USO1: variants seen among roughly 807,000 people sequenced by gnomAD.
USO1 encodes USO1 vesicle transport factor, also known as general vesicular transport factor p115.
Under a neutral mutation model 124.5 loss-of-function variants are expected in USO1, and 57 were observed. That is an observed-to-expected ratio of 0.46 (90% CI 0.37 to 0.57). The LOEUF (loss-of-function observed/expected upper bound fraction) is 0.57. Ranked by LOEUF, USO1 falls within the 20% of genes least tolerant of loss-of-function variation. USO1 has a pLI of 0.00. For missense variants in USO1, 900 were observed against 1,040.6 expected (o/e 0.86, Z 1.86); for synonymous variants, 369 against 362.8 (o/e 1.02, Z -0.19).
At chr4:75,748,379 G>C (rs529418092) in intron 1 of USO1, among the ~76,000 whole-genome samples, 1 of 150,844 alleles carries the variant, frequency 6.6e-6, no homozygotes, top group Non-Finnish European at 1.5e-5. Flanking sequence ...AGTAGGGACG[G>C]GGTTTTGCCA....
rs1720335046 is a variant in USO1, at chr4:75,724,693, G to T, written c.-127G>T. 1.1e-6 allele frequency: 1 copy of T among 932,444 alleles called. No individual in the cohort carries two copies. 57.8% of individuals were successfully genotyped at this position (932,444 alleles called of 1,614,324 possible). A position where few individuals can be genotyped will look rare whatever the true frequency, so the allele number is the denominator to read the frequency against. ...GAGGGCTGGAGTGGCCGCCGAGTTG[G>T]AGGCGGTGGTGGCAGCAGTAGGAGT... On this transcript the variant is annotated 5_prime_UTR_variant, in exon 1 of 24. Coordinates refer to ENST00000514213, the MANE Select transcript of USO1 (RefSeq NM_003715.4).
chr4:75,807,370 C>CT (rs879512005), intron 20 of USO1, among the ~76,000 whole-genome samples: 26 of 144,550 alleles, frequency 1.8e-4, no homozygotes, highest in Admixed American at 4.9e-4. Context: ...GAAATGCATA[C>CT]TTTTTTTTTT....
At chr4:75,750,436 T>TA (rs1399409460) in intron 1 of USO1, among the ~76,000 whole-genome samples, 150,469 of 150,714 alleles carry the variant, frequency 1, 75,112 homozygotes, top group East Asian at 1. Flanking sequence ...AGACCCCATC[T>TA]AAAAAAAAAG....
chr4:75,807,234 A>T (rs528332053), intron 20 of USO1, among the ~76,000 whole-genome samples: 132 of 152,294 alleles, frequency 8.7e-4, no homozygotes, highest in African/African-American at 3.1e-3. Context: ...CAATTAAATA[A>T]TGTAGCAATT....
At chr4:75,781,003 A>G (rs545829891) in intron 8 of USO1, among the ~76,000 whole-genome samples, 64 of 152,234 alleles carry the variant, frequency 4.2e-4, no homozygotes, top group Non-Finnish European at 7.4e-4. Context: ...CTATAGCTAC[A>G]TAGATAGTGA....
At position 75,753,637 on chromosome 4, in the gene USO1, G is replaced by A. The variant is rs961433804; in HGVS notation, c.218+1033G>A. 5.3e-5 allele frequency among the ~76,000 whole-genome samples: 8 copies of A among 152,072 alleles called. No homozygotes were observed. The East Asian group carries it at 7.7e-4, about 15-fold the overall frequency. ...GGAGGCTGAGGTGGGAGGATCACTC[G>A]AGCCCAGGAAGTCAAGGCTGCAGTG... On this transcript the variant is annotated intron_variant, in intron 3 of 23. Coordinates refer to ENST00000514213, the MANE Select transcript of USO1 (RefSeq NM_003715.4).
intron 7 of USO1, among the ~76,000 whole-genome samples, chr4:75,772,292 A>G (rs1310379601): frequency 6.6e-6 from 1 of 152,160 alleles, no homozygotes; most frequent in Non-Finnish European, 1.5e-5. Flanking sequence ...GCTGGAGTGC[A>G]GTGGCATGAT....
At chr4:75,745,378 C>T (rs540568952) in intron 1 of USO1, 7 of 518,644 alleles carry the variant, frequency 1.3e-5, no homozygotes, top group Non-Finnish European at 2.3e-5. Flanking sequence ...GAGCTATTCA[C>T]AGGGACTGTA....
At chr4:75,735,721 A>C (rs142707707) in intron 1 of USO1, among the ~76,000 whole-genome samples, 2 of 151,960 alleles carry the variant, frequency 1.3e-5, no homozygotes. Context: ...GGGTCTTGCT[A>C]TGTTGCCCAG....
At chr4:75,773,660 GTAGTT>G (rs1305857396) in intron 7 of USO1, among the ~76,000 whole-genome samples, 1 of 152,120 alleles carries the variant, frequency 6.6e-6, no homozygotes, top group Non-Finnish European at 1.5e-5. Flanking sequence ...CTCTTTGTTA[GTAGTT>G]AAACTGAAGT....
At chr4:75,737,864 G>A (rs1309079810) in intron 1 of USO1, among the ~76,000 whole-genome samples, 1 of 151,582 alleles carries the variant, frequency 6.6e-6, no homozygotes, top group Non-Finnish European at 1.5e-5. Context: ...ATCTTGCTCT[G>A]TCACCGAGGC....
chr4:75,729,228 G>A (rs569434658), intron 1 of USO1, among the ~76,000 whole-genome samples: 1 of 152,044 alleles, frequency 6.6e-6, no homozygotes, highest in African/African-American at 2.4e-5. Flanking sequence ...TCATGCTTTT[G>A]TTTTTTAGTT....
At chr4:75,811,289 G>T (rs1723141286) in intron 22 of USO1, among the ~76,000 whole-genome samples, 1 of 152,002 alleles carries the variant, frequency 6.6e-6, no homozygotes, top group Non-Finnish European at 1.5e-5. Flanking sequence ...CTGAGTAGCT[G>T]GGATTTCAGG....
chr4:75,806,901 A>G (rs888507855), intron 20 of USO1, among the ~76,000 whole-genome samples: 2 of 152,166 alleles, frequency 1.3e-5, no homozygotes, highest in Non-Finnish European at 2.9e-5. Context: ...TAATTTTAAT[A>G]TACTATGATA....
At chr4:75,812,058 GA>G in intron 22 of USO1, 101 bp from the exon 23 acceptor site, 3 of 1,510,392 alleles carry the variant, frequency 2.0e-6, no homozygotes, top group Non-Finnish European at 2.7e-6. Flanking sequence ...TCCTTAGGTT[GA>G]ACAAGTACAG....
At chr4:75,757,431 A>G (rs1721478585) in intron 3 of USO1, 66 bp from the exon 4 acceptor site, 17 of 1,340,440 alleles carry the variant, frequency 1.3e-5, no homozygotes, top group Non-Finnish European at 1.6e-5. Context: ...CTAAATAACT[A>G]AAAATGGTCA....
chr4:75,810,383 T>C lies in USO1; in HGVS notation c.2476-49T>C, dbSNP rs1313071678. On this transcript the variant is annotated intron_variant, in intron 21 of 23. Coordinates refer to ENST00000514213, the MANE Select transcript of USO1 (RefSeq NM_003715.4). ...TTAAATAACCCTTTGGGAGTTCATA[T>C]TGATTGTAATGTTTAAGAGACATCT... is the stretch of plus-strand genomic sequence containing the variant. 3.9e-6 allele frequency: 6 copies of C among 1,527,974 alleles called. No homozygotes were observed. In the African/African-American group the frequency reaches 7.0e-5, roughly 18 times the overall value. The allele number at this position is 1,527,974 out of a possible 1,614,324, so 94.7% of individuals were successfully genotyped here.
At chr4:75,769,024 T>C (rs1219454103) in intron 4 of USO1, among the ~76,000 whole-genome samples, 2 of 152,222 alleles carry the variant, frequency 1.3e-5, no homozygotes, top group African/African-American at 4.8e-5. Context: ...GGCAACCCTA[T>C]CCTTCTAGTT....
intron 20 of USO1, among the ~76,000 whole-genome samples, chr4:75,808,691 C>T (rs955806728): frequency 2.7e-5 from 4 of 150,270 alleles, no homozygotes; most frequent in Admixed American, 1.3e-4. Context: ...CTCTCCCTCC[C>T]ATCCTTCCTT....
Sources: gnomAD v4.1 joint callset for allele counts (sites outside exome capture counted in the v4.1 genomes callset) on GRCh38, gnomAD v4.1.1 for gene constraint, MANE v1.5 for transcripts, NCBI Gene and HGNC (gene_info 2026-07-23, HGNC 2026-07-21) for gene names.